C3orf33: variants seen among roughly 807,000 people sequenced by gnomAD.
C3orf33 encodes the protein mitochondrial inner membrane subdomain organizer 1.
C3orf33 carries 23 observed loss-of-function variants against 28.7 expected under a neutral mutation model. The observed-to-expected ratio is 0.80, with a 90% CI of 0.58 to 1.13. The LOEUF (loss-of-function observed/expected upper bound fraction) is 1.13, where lower values mean the gene tolerates loss of function less well. C3orf33 is among the 50% of genes most tolerant of loss of function. The pLI, the probability that C3orf33 is intolerant of heterozygous loss-of-function variation, is 0.00. For synonymous variants in C3orf33, 119 were observed against 120.5 expected, an observed-to-expected ratio of 0.99 and a Z score of 0.08; for missense variants, 327 against 353.4, an observed-to-expected ratio of 0.93 and a Z score of 0.60.
At chr3:155,804,036 C>G (rs1225161724) in intron 1 of C3orf33, 1 of 239,122 alleles carries the variant, frequency 4.2e-6, no homozygotes, top group African/African-American at 2.4e-5. Flanking sequence ...ATTAGCCAGG[C>G]TTGGTGGCAG....
chr3:155,770,721 T>C (rs897461018), intron 3 of C3orf33, among the ~76,000 whole-genome samples: 1 of 151,988 alleles, frequency 6.6e-6, no homozygotes, highest in Non-Finnish European at 1.5e-5. Context: ...CAGGCTGAAG[T>C]GCAATGGTGC....
Position 155,763,742 on chromosome 3 carries a change from AG to A in C3orf33, c.659del (p.Ser220LeufsTer7). On this transcript the variant is annotated frameshift_variant, in exon 5 of 5. Transcript: ENST00000340171. LOFTEE classifies it high-confidence loss of function. ...KKGEGIWKED[S>X]EKESYLEKFK... Reference sequence around the variant, plus strand: ...ATTTTTCTAAGTAACTTTCTTTTTCAGAGTCTTCCTTCCATATTCCTTCTCC... The same window carrying A: ...ATTTTTCTAAGTAACTTTCTTTTTCAAGTCTTCCTTCCATATTCCTTCTCC... 1 of 1,596,346 alleles carries A rather than the reference AG, an allele frequency of 6.3e-7. No individual in the cohort carries two copies. The highest frequency in any genetic ancestry group is 8.5e-7 in the Non-Finnish European group (1 of 1,175,518).
chr3:155,774,632 G>A (rs1471597987), intron 3 of C3orf33, among the ~76,000 whole-genome samples: 1 of 140,372 alleles, frequency 7.1e-6, no homozygotes, highest in East Asian at 2.2e-4. Context: ...ACACAAATTT[G>A]TAAACTTTCT....
chr3:155,794,867 T>C (rs1225370821), intron 2 of C3orf33, among the ~76,000 whole-genome samples: 1 of 152,074 alleles, frequency 6.6e-6, no homozygotes, highest in Non-Finnish European at 1.5e-5. Flanking sequence ...ACAACAATTA[T>C]AAATATATAT....
At chr3:155,783,303 T>C (rs985798778) in intron 2 of C3orf33, among the ~76,000 whole-genome samples, 1 of 151,566 alleles carries the variant, frequency 6.6e-6, no homozygotes, top group Non-Finnish European at 1.5e-5. Context: ...TACAGGCGTG[T>C]GCCACCACAC....
Position 155,763,420 on chromosome 3 carries a change from C to G in C3orf33, c.*97G>C. 1.2e-6 allele frequency: 1 copy of G among 855,678 alleles called. No homozygotes were observed. The highest frequency in any genetic ancestry group is 1.6e-6 in the Non-Finnish European group (1 of 613,224). 53.0% of individuals were successfully genotyped at this position (855,678 alleles called of 1,614,324 possible). A position where few individuals can be genotyped will look rare whatever the true frequency, so the allele number is the denominator to read the frequency against. On this transcript the variant is annotated 3_prime_UTR_variant, in exon 5 of 5. Transcript: ENST00000340171. ...AATACCATTGGACTAACACTTTGAT[C>G]ATTTGGCAAAACTTCCATTTTGATT...
chr3:155,804,775 G>A (rs748756041), intron 1 of C3orf33, among the ~76,000 whole-genome samples: 73 of 152,190 alleles, frequency 4.8e-4, no homozygotes, highest in South Asian at 8.3e-4. Context: ...TCAAGCCCAC[G>A]GCTTTAAATG....
intron 2 of C3orf33, among the ~76,000 whole-genome samples, chr3:155,776,077 C>T (rs957228157): frequency 1.3e-5 from 2 of 152,148 alleles, no homozygotes; most frequent in South Asian, 4.1e-4. Context: ...AGACATTAAA[C>T]AGACTCCTAA....
intron 3 of C3orf33, among the ~76,000 whole-genome samples, chr3:155,769,582 A>C (rs953619039): frequency 3.9e-5 from 6 of 152,238 alleles, no homozygotes; most frequent in African/African-American, 1.4e-4. Context: ...AATTAGATTA[A>C]GGCAGTATAT....
chr3:155,793,834 A>AAC lies in C3orf33; in HGVS notation c.174+8697_174+8698insGT, dbSNP rs1553772601. 6.7e-3 allele frequency among the ~76,000 whole-genome samples: 978 copies of AAC among 146,350 alleles called. 18 individuals carry two copies. Among genetic ancestry groups the AAC allele is most frequent in the South Asian group, 0.016 (73 of 4,540 alleles). ...CAAAAAAAAAAAAAAAAAACTAAAAAAACTAAAAAAACTAAAACAGCTTTT... is the reference window on the plus strand; with the variant it reads ...CAAAAAAAAAAAAAAAAAACTAAAAAACAACTAAAAAAACTAAAACAGCTTTT... On this transcript the variant is annotated intron_variant, in intron 2 of 4. Transcript: ENST00000340171.
chr3:155,799,693 A>G (rs912431818), intron 2 of C3orf33, among the ~76,000 whole-genome samples: 7 of 152,180 alleles, frequency 4.6e-5, no homozygotes, highest in Admixed American at 1.3e-4. Context: ...GTCTCAAAAA[A>G]GAAAAAAGAA....
intron 1 of C3orf33, 93 bp downstream of exon 1, chr3:155,806,046 G>C: frequency 1.2e-6 from 1 of 853,472 alleles, no homozygotes; most frequent in South Asian, 3.4e-5. Context: ...CCCCGGCCCC[G>C]GCGGGATCCA....
chr3:155,788,047 C>T (rs1490753015), intron 2 of C3orf33, among the ~76,000 whole-genome samples: 3 of 151,604 alleles, frequency 2.0e-5, no homozygotes, highest in East Asian at 2.0e-4. Flanking sequence ...AAAAATTAGC[C>T]GGGCGTGGTG....
In C3orf33 at chr3:155,775,718, A is replaced by G. The variant is rs1328035065; in HGVS notation, c.305T>C (p.Ile102Thr). ...TTACTTACTTCTCAATGAAGCTATA[A>G]TAGGTAAAGTAATAGGTATATGTTC... ...EIEHIPITLP[I>T]IASLRKEPRG... is the part of the protein sequence containing the mutation. Residue 102 changes from isoleucine to threonine, a missense_variant, in exon 3 of 5, where the codon ATT (isoleucine) becomes ACT (threonine). Transcript: ENST00000340171. 1.3e-6 allele frequency: 2 copies of G among 1,559,476 alleles called. No individual in the cohort carries two copies. The highest frequency in any genetic ancestry group is 1.8e-6 in the Non-Finnish European group (2 of 1,138,262).
intron 4 of C3orf33, among the ~76,000 whole-genome samples, chr3:155,766,517 A>T (rs928555669): frequency 4.6e-5 from 7 of 152,224 alleles, no homozygotes; most frequent in African/African-American, 1.4e-4. Context: ...CCGTCAGAAA[A>T]CACCCTGGCT....
chr3:155,783,762 A>G lies in C3orf33; in HGVS notation c.175-7914T>C, dbSNP rs571111792. Among the ~76,000 whole-genome samples, 9 of 152,232 alleles carry G rather than the reference A, an allele frequency of 5.9e-5. No individual in the cohort carries two copies. In the East Asian group the frequency reaches 1.7e-3, roughly 29 times the overall value. On this transcript the variant is annotated intron_variant, in intron 2 of 4. Coordinates refer to ENST00000340171, the MANE Select transcript of C3orf33 (RefSeq NM_001308229.2). ...CATTACAGGCATAAGCCACCTCACC[A>G]GGCCTGTACTACATTTTTAAAAGAG...
chr3:155,767,646 C>A lies in C3orf33; in HGVS notation c.346G>T (p.Val116Phe). The A allele has an allele frequency of 6.4e-7, 1 of 1,574,624 alleles. No individual in the cohort carries two copies. Among genetic ancestry groups the A allele is most frequent in the Non-Finnish European group, 8.6e-7 (1 of 1,156,204 alleles). ...GCGAGTTCTACTCCAGCCAACTTAA[C>A]CAGCAAAGCACCACGTGGCTCTTCT... Reference protein sequence around the residue: ...LRKEPRGALLVKLAGVELAET... With the variant: ...LRKEPRGALLFKLAGVELAET... Residue 116 changes from valine (V) to phenylalanine (F), a missense_variant, in exon 4 of 5, where the codon GTT becomes TTT. Physicochemically the swap from Val to Phe is conservative, Grantham distance 50 (BLOSUM62 -1). Transcript: ENST00000340171.
intron 3 of C3orf33, among the ~76,000 whole-genome samples, chr3:155,769,607 A>G (rs1393155151): frequency 6.6e-6 from 1 of 152,238 alleles, no homozygotes; most frequent in South Asian, 2.1e-4. Flanking sequence ...CAAAGATTAA[A>G]TTATGTCAAA....
chr3:155,793,835 A>AAAAAAAAC, intron 2 of C3orf33, among the ~76,000 whole-genome samples: 1 of 145,732 alleles, frequency 6.9e-6, no homozygotes, highest in Non-Finnish European at 1.5e-5. Context: ...AAACTAAAAA[A>AAAAAAAAC]ACTAAAAAAA....
Sources: allele counts gnomAD v4.1 joint callset (sites outside exome capture counted in the v4.1 genomes callset), GRCh38; gene constraint gnomAD v4.1.1; transcripts MANE v1.5; gene names NCBI Gene and HGNC (gene_info 2026-07-23, HGNC 2026-07-21).